The following FGGY variants were observed in gnomAD, a reference collection of about 807,000 sequenced individuals.
FGGY encodes the protein FGGY carbohydrate kinase domain-containing protein.
Under a neutral mutation model 71.3 loss-of-function variants are expected in FGGY, and 72 were observed. That is an observed-to-expected ratio of 1.01 (90% CI 0.84 to 1.23). The LOEUF is 1.23. Ranked by LOEUF, FGGY falls within the 50% of genes most tolerant of loss-of-function variation. FGGY has a pLI of 0.00. For missense variants in FGGY, 668 were observed against 682.3 expected (o/e 0.98, Z 0.23); for synonymous variants, 251 against 250.3 (o/e 1.00, Z -0.02).
At chr1:59,728,760 T>G (rs2097983637) in intron 14 of FGGY, among the ~76,000 whole-genome samples, 1 of 152,132 alleles carries the variant, frequency 6.6e-6, no homozygotes, top group Non-Finnish European at 1.5e-5. Flanking sequence ...TTCCTATGTT[T>G]GTTTCTCTAT....
intron 14 of FGGY, among the ~76,000 whole-genome samples, chr1:59,725,370 T>C (rs776619543): frequency 9.9e-5 from 15 of 152,212 alleles, no homozygotes; most frequent in Non-Finnish European, 2.1e-4. Context: ...TCTTAATTAT[T>C]GTAGCTTTAC....
At chr1:59,604,623 G>A (rs770704619) in intron 8 of FGGY, among the ~76,000 whole-genome samples, 24 of 152,222 alleles carry the variant, frequency 1.6e-4, no homozygotes, top group Admixed American at 7.2e-4. Flanking sequence ...GGGAGGTGAA[G>A]TGTATCCTTC....
chr1:59,362,177 T>G (rs903564643), intron 4 of FGGY, among the ~76,000 whole-genome samples: 4 of 149,572 alleles, frequency 2.7e-5, no homozygotes, highest in Non-Finnish European at 5.9e-5. Context: ...ATCTTTTGCT[T>G]TTGTCTTTAT....
chr1:59,746,499 T>C (rs1183389603), intron 14 of FGGY, among the ~76,000 whole-genome samples: 1 of 133,996 alleles, frequency 7.5e-6, no homozygotes, highest in East Asian at 2.1e-4. Context: ...AAAACTTCCC[T>C]TTTTTTGAGA....
intron 5 of FGGY, among the ~76,000 whole-genome samples, chr1:59,411,620 T>C (rs1218161126): frequency 6.6e-6 from 1 of 152,234 alleles, no homozygotes; most frequent in Non-Finnish European, 1.5e-5. Flanking sequence ...ATTTATTAAC[T>C]GGAATGCTTT....
chr1:59,342,300 A>G (rs1048534273), intron 3 of FGGY, among the ~76,000 whole-genome samples: 4 of 152,168 alleles, frequency 2.6e-5, no homozygotes, highest in Non-Finnish European at 5.9e-5. Context: ...GGACAGATTA[A>G]CGGAGAATTA....
At chr1:59,697,751 C>A in intron 14 of FGGY, 3 of 1,280,246 alleles carry the variant, frequency 2.3e-6, no homozygotes, top group Middle Eastern at 4.3e-4. Flanking sequence ...GTAGGTGACA[C>A]AAGAGGTAAA....
intron 4 of FGGY, among the ~76,000 whole-genome samples, chr1:59,370,489 A>G (rs2057408132): frequency 1.3e-5 from 2 of 152,220 alleles, no homozygotes; most frequent in South Asian, 2.1e-4. Context: ...TCTGCAGGAT[A>G]TTATCCAGGA....
chr1:59,732,066 T>C (rs2098038735), intron 14 of FGGY, among the ~76,000 whole-genome samples: 1 of 152,170 alleles, frequency 6.6e-6, no homozygotes, highest in Non-Finnish European at 1.5e-5. Flanking sequence ...ATCCAGTTGC[T>C]GTGAGGATTA....
At chr1:59,454,649 C>G (rs2091508026) in intron 5 of FGGY, among the ~76,000 whole-genome samples, 1 of 152,210 alleles carries the variant, frequency 6.6e-6, no homozygotes, top group Non-Finnish European at 1.5e-5. Flanking sequence ...CTCCCTGTCT[C>G]CCACCAGATT....
chr1:59,575,848 T>A (rs1339265587), intron 8 of FGGY, among the ~76,000 whole-genome samples: 1 of 152,234 alleles, frequency 6.6e-6, no homozygotes, highest in Non-Finnish European at 1.5e-5. Flanking sequence ...AATATTCTCA[T>A]ATGGTTTGGA....
intron 7 of FGGY, among the ~76,000 whole-genome samples, chr1:59,535,380 A>T (rs1309426980): frequency 6.6e-6 from 1 of 152,164 alleles, no homozygotes; most frequent in South Asian, 2.1e-4. Context: ...CACATTAATA[A>T]TGGGAGACTT....
chr1:59,465,469 C>T (rs1191552829), intron 6 of FGGY, among the ~76,000 whole-genome samples: 5 of 152,206 alleles, frequency 3.3e-5, no homozygotes, highest in Non-Finnish European at 7.3e-5. Flanking sequence ...CCCTCTCTCA[C>T]CACTCCTATT....
At chr1:59,522,397 T>C (rs1175368607) in intron 7 of FGGY, among the ~76,000 whole-genome samples, 1 of 152,158 alleles carries the variant, frequency 6.6e-6, no homozygotes, top group Non-Finnish European at 1.5e-5. Flanking sequence ...CGTTTGTAGA[T>C]CTATTTTATG....
At position 59,650,330 on chromosome 1, in the gene FGGY, A is replaced by G. The variant is rs1309496716; in HGVS notation, c.1222-9889A>G. ...GAATAGTTTCAGAAGGAATGGCACC[A>G]GCTCCTCTTTGTACCTCTGGTAGAA... On this transcript the variant is annotated intron_variant, in intron 11 of 15. Transcript: ENST00000303721. 2.6e-3 allele frequency among the ~76,000 whole-genome samples: 357 copies of G among 135,998 alleles called. 47 individuals carry two copies. Among genetic ancestry groups the G allele is most frequent in the African/African-American group, 0.011 (342 of 30,206 alleles). 89.2% of individuals were successfully genotyped at this position (135,998 alleles called of 152,430 possible). A position where few individuals can be genotyped will look rare whatever the true frequency, so the allele number is the denominator to read the frequency against.
chr1:59,587,616 A>T (rs1488672469), intron 8 of FGGY, among the ~76,000 whole-genome samples: 1 of 152,202 alleles, frequency 6.6e-6, no homozygotes, highest in Admixed American at 6.5e-5. Context: ...AGGAACGATC[A>T]GACAGCTGCA....
intron 4 of FGGY, among the ~76,000 whole-genome samples, chr1:59,359,843 G>A (rs2055080147): frequency 6.6e-6 from 1 of 152,150 alleles, no homozygotes; most frequent in Non-Finnish European, 1.5e-5. Flanking sequence ...AATGATCAGT[G>A]TCTTTTGGCT....
intron 6 of FGGY, among the ~76,000 whole-genome samples, chr1:59,500,328 G>A (rs1048179226): frequency 3.3e-5 from 5 of 151,962 alleles, no homozygotes; most frequent in African/African-American, 1.2e-4. Context: ...TAGTTTTATG[G>A]TACGTTTGTC....
Position 59,520,005 on chromosome 1 carries a change from G to T in FGGY, c.799+7566G>T, listed in dbSNP as rs563992515. On this transcript the variant is annotated intron_variant, in intron 7 of 15. Transcript: ENST00000303721. ...GGGGAAAGGGAAATGGCACTGGCCT[G>T]TGGTGGGTAGAGGCCAGGGATGCTG... 4.9e-4 allele frequency among the ~76,000 whole-genome samples: 74 copies of T among 152,354 alleles called. 1 individual carries two copies. Among genetic ancestry groups the T allele is most frequent in the Admixed American group, 1.0e-3 (16 of 15,306 alleles).
Sources: gnomAD v4.1 joint callset for allele counts (sites outside exome capture counted in the v4.1 genomes callset) on GRCh38, gnomAD v4.1.1 for gene constraint, MANE v1.5 for transcripts, NCBI Gene and HGNC (gene_info 2026-07-23, HGNC 2026-07-21) for gene names.